GABRA4: variants seen among roughly 807,000 people sequenced by gnomAD.
The protein encoded by GABRA4 is gamma-aminobutyric acid type A receptor subunit alpha4.
Under a neutral mutation model 49.7 loss-of-function variants are expected in GABRA4, and 12 were observed. That is an observed-to-expected ratio of 0.24 (90% CI 0.15 to 0.39). The LOEUF is 0.39. Among genes scored for constraint, GABRA4 ranks in the 10% least tolerant of loss-of-function variants. GABRA4 has a pLI of 1.00. For synonymous variants in GABRA4, 288 were observed against 240.2 expected, an observed-to-expected ratio of 1.20 and a Z score of -1.84; for missense variants, 506 against 686.0, an observed-to-expected ratio of 0.74 and a Z score of 2.93.
chr4:46,959,676 T>A (rs1258585423), intron 8 of GABRA4, among the ~76,000 whole-genome samples: 1 of 150,040 alleles, frequency 6.7e-6, no homozygotes, highest in Non-Finnish European at 1.5e-5. Flanking sequence ...TTCAGCAGAA[T>A]GGTTTTATTC....
chr4:46,944,940 T>C (rs62303698), intron 8 of GABRA4, among the ~76,000 whole-genome samples: 19,146 of 152,118 alleles, frequency 0.13, 1,914 homozygotes, highest in Admixed American at 0.32. Context: ...CACTGGAAAG[T>C]ATTCAATGAA....
chr4:46,930,778 T>A (rs1282389385), intron 8 of GABRA4, among the ~76,000 whole-genome samples: 1 of 150,546 alleles, frequency 6.6e-6, no homozygotes, highest in Non-Finnish European at 1.5e-5. Flanking sequence ...CAAAATGAAG[T>A]AACAGGAACT....
chr4:46,993,208 C>T (rs1251896253), intron 1 of GABRA4, 131 bp downstream of exon 1: 4 of 840,086 alleles, frequency 4.8e-6, no homozygotes, highest in Admixed American at 4.2e-5. Flanking sequence ...AGCCTGGCTT[C>T]GGCCCCTGCT....
chr4:46,923,607 A>G lies in GABRA4; in HGVS notation c.*4618T>C, dbSNP rs1486505381. On this transcript the variant is annotated 3_prime_UTR_variant, in exon 9 of 9. Coordinates refer to ENST00000264318, the MANE Select transcript of GABRA4 (RefSeq NM_000809.4). ...AAAAAGAAAAAAGGAATAGAAGGCAAAGTTTAAGACAGGAAAGAAAAAATA... is the reference window on the plus strand; with the variant it reads ...AAAAAGAAAAAAGGAATAGAAGGCAGAGTTTAAGACAGGAAAGAAAAAATA... 2.0e-5 allele frequency: 3 copies of G among 152,114 alleles called. No homozygotes were observed. The highest frequency in any genetic ancestry group is 7.2e-5 in the African/African-American group (3 of 41,426). 9.4% of individuals were successfully genotyped at this position (152,114 alleles called of 1,614,324 possible).
At chr4:46,951,658 G>C (rs1400693202) in intron 8 of GABRA4, among the ~76,000 whole-genome samples, 1 of 151,722 alleles carries the variant, frequency 6.6e-6, no homozygotes, top group East Asian at 1.9e-4. Context: ...AAACGGTGGG[G>C]CTTCTTCTTC....
chr4:46,976,393 G>A (rs1233972662), intron 5 of GABRA4, among the ~76,000 whole-genome samples: 1 of 137,210 alleles, frequency 7.3e-6, no homozygotes, highest in African/African-American at 2.7e-5. Context: ...AAGTGGAACT[G>A]TAAAATGTCA....
chr4:46,993,528 C>T lies in GABRA4; in HGVS notation c.-104G>A. The stretch of plus-strand genomic sequence containing the variant: ...CAGAGAGGCTCCCGCGGCGTGCGCA[C>T]ACTCGCGCTCACACTCGCCCGCGCT... On this transcript the variant is annotated 5_prime_UTR_variant, in exon 1 of 9. The change creates a new upstream start codon in the 5' untranslated region. Coordinates refer to ENST00000264318, the MANE Select transcript of GABRA4 (RefSeq NM_000809.4). 1 of 1,188,578 alleles carries T rather than the reference C, an allele frequency of 8.4e-7. No individual in the cohort carries two copies. Among genetic ancestry groups the T allele is most frequent in the Non-Finnish European group, 1.2e-6 (1 of 818,020 alleles). 73.6% of individuals were successfully genotyped at this position (1,188,578 alleles called of 1,614,324 possible).
At chr4:46,936,201 A>G (rs1437839996) in intron 8 of GABRA4, among the ~76,000 whole-genome samples, 1 of 152,188 alleles carries the variant, frequency 6.6e-6, no homozygotes, top group Non-Finnish European at 1.5e-5. Flanking sequence ...TGTGGGTTAT[A>G]TAAGAAGGGG....
At chr4:46,970,428 A>G (rs1056255664) in intron 7 of GABRA4, among the ~76,000 whole-genome samples, 3 of 151,554 alleles carry the variant, frequency 2.0e-5, no homozygotes, top group African/African-American at 7.2e-5. Context: ...ATACTATTTA[A>G]AAGCATGACT....
At chr4:46,987,492 T>C (rs4695183) in intron 2 of GABRA4, among the ~76,000 whole-genome samples, 16,768 of 152,090 alleles carry the variant, frequency 0.11, 1,035 homozygotes, top group South Asian at 0.19. Context: ...TGTGAACTTA[T>C]GAGGGCAGGA....
In GABRA4 at chr4:46,992,898, T is replaced by C. The variant is rs1424137619; in HGVS notation, c.135A>G (p.Thr45=). ...TGTCCAGGATGCGGGTGAAATTTTC[T>C]GTGCACAATTTCTCCTCCTTTTGGT... ...GQNQKEEKLC[T]ENFTRILDSL... is the part of the protein sequence containing the mutation. Residue 45 remains threonine (T), a synonymous_variant, in exon 2 of 9, where the codon ACA becomes ACG. Transcript: ENST00000264318. 1.2e-6 allele frequency: 2 copies of C among 1,613,452 alleles called. No individual in the cohort carries two copies. Among genetic ancestry groups the C allele is most frequent in the African/African-American group, 1.3e-5 (1 of 74,798 alleles).
At chr4:46,941,479 G>C (rs571422503) in intron 8 of GABRA4, among the ~76,000 whole-genome samples, 17 of 152,112 alleles carry the variant, frequency 1.1e-4, no homozygotes, top group African/African-American at 4.1e-4. Flanking sequence ...TTAACACATT[G>C]CTCTAGCATA....
intron 2 of GABRA4, among the ~76,000 whole-genome samples, chr4:46,991,043 A>G (rs1223885808): frequency 6.6e-6 from 1 of 152,122 alleles, no homozygotes; most frequent in African/African-American, 2.4e-5. Flanking sequence ...AAAATTAGCC[A>G]GGTGTGGTGG....
At chr4:46,977,800 C>T (rs990119489) in intron 3 of GABRA4, among the ~76,000 whole-genome samples, 170 bp from the exon 4 acceptor site, 2 of 151,976 alleles carry the variant, frequency 1.3e-5, no homozygotes, top group Admixed American at 1.3e-4. Context: ...AGATTCTCAG[C>T]AATTAGAATA....
At chr4:46,932,430 A>G (rs1430456599) in intron 8 of GABRA4, among the ~76,000 whole-genome samples, 2 of 152,120 alleles carry the variant, frequency 1.3e-5, no homozygotes, top group Admixed American at 1.3e-4. Flanking sequence ...AAAGAACTTA[A>G]CAAGCTGCAC....
At position 46,926,641 on chromosome 4, in the gene GABRA4, A is replaced by G. The variant is rs1577737887; in HGVS notation, c.*1584T>C. ...GGTCATTTCTATCAATATGTTCCCT[A>G]AAACACCCAGAACACATTCACTCAT... On this transcript the variant is annotated 3_prime_UTR_variant, in exon 9 of 9. Coordinates refer to ENST00000264318, the MANE Select transcript of GABRA4 (RefSeq NM_000809.4). 1 of 151,946 alleles carries G rather than the reference A, an allele frequency of 6.6e-6. No individual in the cohort carries two copies. Among genetic ancestry groups the G allele is most frequent in the Non-Finnish European group, 1.5e-5 (1 of 67,886 alleles). The allele number at this position is 151,946 out of a possible 1,614,324, so 9.4% of individuals were successfully genotyped here.
At chr4:46,989,392 A>G (rs1261058783) in intron 2 of GABRA4, among the ~76,000 whole-genome samples, 1 of 152,180 alleles carries the variant, frequency 6.6e-6, no homozygotes, top group African/African-American at 2.4e-5. Flanking sequence ...TCAGGATGAT[A>G]GCAACTGATT....
Position 46,928,393 on chromosome 4 carries a change from C to T in GABRA4, c.1497G>A (p.Leu499=), listed in dbSNP as rs757335260. Residue 499 remains leucine (L), a synonymous_variant, in exon 9 of 9, where the codon TTG becomes TTA. Transcript: ENST00000264318. ...TVNTIGATGK[L]SATPPPSAPP... is the part of the protein sequence containing the mutation. ...GAGCCGATGGAGGAGGAGTAGCTGACAACTTCCCAGTAGCCCCTATGGTAT... is the reference window on the plus strand; with the variant it reads ...GAGCCGATGGAGGAGGAGTAGCTGATAACTTCCCAGTAGCCCCTATGGTAT... The T allele has an allele frequency of 1.2e-6, 2 of 1,613,646 alleles. No homozygotes were observed. Among genetic ancestry groups the T allele is most frequent in the Admixed American group, 3.3e-5 (2 of 59,950 alleles).
At chr4:46,991,797 A>T (rs1723755563) in intron 2 of GABRA4, among the ~76,000 whole-genome samples, 1 of 152,198 alleles carries the variant, frequency 6.6e-6, no homozygotes, top group South Asian at 2.1e-4. Flanking sequence ...CAGAGTGGTG[A>T]TGCCTACAAA....
Sources: gnomAD v4.1 joint callset for allele counts (sites outside exome capture counted in the v4.1 genomes callset) on GRCh38, gnomAD v4.1.1 for gene constraint, MANE v1.5 for transcripts, NCBI Gene and HGNC (gene_info 2026-07-23, HGNC 2026-07-21) for gene names.